The following CMBL variants were observed in gnomAD, a reference collection of about 807,000 sequenced individuals.
The protein encoded by CMBL is carboxymethylenebutenolidase homolog (Pseudomonas).
Under a neutral mutation model 28.7 loss-of-function variants are expected in CMBL, and 17 were observed. The ratio of observed to expected loss-of-function variants is 0.59; its 90% CI spans 0.41 to 0.89. CMBL has a LOEUF of 0.89. Among genes scored for constraint, CMBL ranks in the 40% least tolerant of loss-of-function variants. The pLI is 0.00. For synonymous variants in CMBL, 106 were observed against 101.6 expected (o/e 1.04, Z -0.26); for missense variants, 310 against 298.5 (o/e 1.04, Z -0.28).
At position 10,289,353 on chromosome 5, in the gene CMBL, C is replaced by A. The variant is rs1441654300; in HGVS notation, c.216-824G>T. On this transcript the variant is annotated intron_variant, in intron 2 of 5. Transcript: ENST00000296658. This position sits in a 1 kb window ranked among gnomAD's most constrained non-coding sequence, Gnocchi z 4.3. ...TAACCCCAGAGGATCCTCTCGAGGG[C>A]AAAAAAAGTTGTATACCTGTGAAAG... Among the ~76,000 whole-genome samples the A allele has an allele frequency of 1.3e-5, 2 of 151,930 alleles. No individual in the cohort carries two copies. The highest frequency in any genetic ancestry group is 2.9e-5 in the Non-Finnish European group (2 of 67,962).
chr5:10,296,425 C>T (rs1243440530), intron 1 of CMBL, among the ~76,000 whole-genome samples: 8 of 152,208 alleles, frequency 5.3e-5, no homozygotes, highest in Middle Eastern at 3.4e-3. Flanking sequence ...GTACTACAGG[C>T]GAGCACCACC....
Position 10,298,082 on chromosome 5 carries a change from G to C in CMBL, c.-19-7301C>G, listed in dbSNP as rs537004494. ...AGCAGGCGCAGAGCAGGCAGAGAGA[G>C]GGGGTCAGATACAATGGGCTCTGTA... On this transcript the variant is annotated intron_variant, in intron 1 of 5. Coordinates refer to ENST00000296658, the MANE Select transcript of CMBL (RefSeq NM_138809.4). 3.3e-5 allele frequency among the ~76,000 whole-genome samples: 5 copies of C among 151,770 alleles called. No individual in the cohort carries two copies. In the East Asian group the frequency reaches 9.7e-4, roughly 29 times the overall value.
intron 1 of CMBL, among the ~76,000 whole-genome samples, chr5:10,294,286 T>C (rs1746773116): frequency 6.6e-6 from 1 of 152,172 alleles, no homozygotes; most frequent in African/African-American, 2.4e-5. Flanking sequence ...TGATTTACAG[T>C]ATCATTGGCC....
intron 1 of CMBL, among the ~76,000 whole-genome samples, chr5:10,300,659 G>A (rs1370367198): frequency 6.6e-6 from 1 of 151,700 alleles, no homozygotes. Context: ...TTAATTAGCC[G>A]GGCATGGTGG....
rs1451126236 is a variant in CMBL, at chr5:10,280,379, A to G, written c.*74T>C. 3.6e-6 allele frequency: 4 copies of G among 1,095,956 alleles called. No homozygotes were observed. Among genetic ancestry groups the G allele is most frequent in the Non-Finnish European group, 5.1e-6 (4 of 783,202 alleles). 67.9% of individuals were successfully genotyped at this position (1,095,956 alleles called of 1,614,324 possible). A position where few individuals can be genotyped will look rare whatever the true frequency, so the allele number is the denominator to read the frequency against. On this transcript the variant is annotated 3_prime_UTR_variant, in exon 6 of 6. Transcript: ENST00000296658. ...CTTATTTTATAAAAGTGAAAATTAAATCAAATGATCTAACTATTTCCAAGC... is the reference window on the plus strand; with the variant it reads ...CTTATTTTATAAAAGTGAAAATTAAGTCAAATGATCTAACTATTTCCAAGC...
Position 10,288,444 on chromosome 5 carries a change from T to C in CMBL, c.301A>G (p.Arg101Gly), listed in dbSNP as rs185231206. ...WSIFPEWLKT[R>G]NAQKIDREIS... is the part of the protein sequence containing the mutation. ...CACCTATCGATCTTCTGGGCATTTC[T>C]TGTTTTCAGCCACTCAGGGAAGATA... is the stretch of plus-strand genomic sequence containing the variant. The change falls in exon 3 of 6, where the codon AGA becomes GGA. Residue 101 changes from arginine to glycine, a missense_variant. Physicochemically the swap from Arg to Gly is moderately radical, Grantham distance 125. Coordinates refer to ENST00000296658, the MANE Select transcript of CMBL (RefSeq NM_138809.4). The C allele has an allele frequency of 4.3e-6, 7 of 1,613,864 alleles. No individual in the cohort carries two copies. The Middle Eastern group carries it at 5.0e-4, about 114-fold the overall frequency.
At chr5:10,295,432 C>T (rs910038498) in intron 1 of CMBL, among the ~76,000 whole-genome samples, 1 of 152,110 alleles carries the variant, frequency 6.6e-6, no homozygotes, top group African/African-American at 2.4e-5. Context: ...CATGGACATT[C>T]GAAAAATGTG....
At chr5:10,281,617 T>C (rs1410439046) in intron 5 of CMBL, among the ~76,000 whole-genome samples, 1 of 152,234 alleles carries the variant, frequency 6.6e-6, no homozygotes, top group Non-Finnish European at 1.5e-5. Flanking sequence ...TTTATTGTAA[T>C]TTGTGGGTTA....
chr5:10,300,071 A>T (rs774926009), intron 1 of CMBL, among the ~76,000 whole-genome samples: 2 of 152,210 alleles, frequency 1.3e-5, no homozygotes, highest in Non-Finnish European at 2.9e-5. Context: ...GACCTTAACT[A>T]GACACAGGGT....
chr5:10,292,999 A>G (rs1746753683), intron 1 of CMBL, among the ~76,000 whole-genome samples: 1 of 152,326 alleles, frequency 6.6e-6, no homozygotes, highest in East Asian at 1.9e-4. Context: ...GATTTTATAT[A>G]ACAAATGCTA....
chr5:10,282,024 G>A (rs1449716459), intron 5 of CMBL, among the ~76,000 whole-genome samples, 173 bp downstream of exon 5: 1 of 152,150 alleles, frequency 6.6e-6, no homozygotes, highest in Non-Finnish European at 1.5e-5. Context: ...CCCAGGTGCG[G>A]TGGTGGGCGC....
intron 1 of CMBL, among the ~76,000 whole-genome samples, chr5:10,293,553 T>G (rs1349821569): frequency 6.6e-6 from 1 of 151,088 alleles, no homozygotes; most frequent in Non-Finnish European, 1.5e-5. Context: ...ATGTTAAAAC[T>G]AAAAAAAAGA....
chr5:10,283,960 C>T (rs1234707023), intron 4 of CMBL, among the ~76,000 whole-genome samples: 2 of 152,118 alleles, frequency 1.3e-5, no homozygotes, highest in Non-Finnish European at 2.9e-5. Flanking sequence ...AATAACATAA[C>T]TTTTTTCCAC....
rs979254805 is a variant in CMBL at position 10,286,497 on chromosome 5, C to G, written c.324-1G>C. On this transcript the variant is annotated splice_acceptor_variant, in intron 3 of 5. Transcript: ENST00000296658. LOFTEE classifies it high-confidence loss of function. ...ATACTTCAAGATAGCACTGATCTCT[C>G]TAGAACAGAAAGAAAAAATATTCAA... The G allele has an allele frequency of 6.2e-7, 1 of 1,611,828 alleles. No homozygotes were observed. The highest frequency in any genetic ancestry group is 8.5e-7 in the Non-Finnish European group (1 of 1,179,014).
At chr5:10,284,634 A>G (rs111839175) in intron 4 of CMBL, among the ~76,000 whole-genome samples, 4,789 of 152,296 alleles carry the variant, frequency 0.031, 254 homozygotes, top group African/African-American at 0.11. Flanking sequence ...ATTTTGCCCA[A>G]CTGTAGCCTG....
intron 1 of CMBL, among the ~76,000 whole-genome samples, chr5:10,296,853 G>A (rs1746819066): frequency 6.6e-6 from 1 of 152,206 alleles, no homozygotes; most frequent in Non-Finnish European, 1.5e-5. Context: ...GCTTGGACGA[G>A]GGCATGGGTG....
chr5:10,287,969 GAT>G (rs1746634933), intron 3 of CMBL, among the ~76,000 whole-genome samples: 1 of 151,198 alleles, frequency 6.6e-6, no homozygotes, highest in African/African-American at 2.4e-5. Context: ...GATCTCAAGT[GAT>G]CAGCCAGCCT....
At chr5:10,285,700 CTTTTTTTT>C (rs34390937) in intron 4 of CMBL, among the ~76,000 whole-genome samples, 1 of 133,706 alleles carries the variant, frequency 7.5e-6, no homozygotes, top group Non-Finnish European at 1.6e-5. Flanking sequence ...CTTTCTTTTT[CTTTTTTTT>C]TTTTTTTGAG....
chr5:10,296,763 TGAG>T (rs1746817270), intron 1 of CMBL, among the ~76,000 whole-genome samples: 1 of 152,046 alleles, frequency 6.6e-6, no homozygotes, highest in Non-Finnish European at 1.5e-5. Context: ...GAATGGGTGT[TGAG>T]GGGAGAACAA....
Sources: gnomAD v4.1 joint callset for allele counts (sites outside exome capture counted in the v4.1 genomes callset) on GRCh38, gnomAD v4.1.1 for gene constraint, Gnocchi (gnomAD v3.1) non-coding constraint, MANE v1.5 for transcripts, NCBI Gene and HGNC (gene_info 2026-07-23, HGNC 2026-07-21) for gene names.